ENG: variants seen among roughly 807,000 people sequenced by gnomAD.
ENG encodes endoglin, also known as CD105 antigen.
In ENG, 17 loss-of-function variants were observed where a neutral mutation model predicts 71.0. The observed-to-expected ratio is 0.24, with a 90% CI of 0.16 to 0.36. ENG has a LOEUF of 0.36. Ranked by LOEUF, ENG falls within the 10% of genes least tolerant of loss-of-function variation. The pLI is 1.00. For missense variants in ENG, 749 were observed against 868.3 expected (o/e 0.86, Z 1.73); for synonymous variants, 360 against 366.9 (o/e 0.98, Z 0.21).
chr9:127,845,209 C>G (rs41483544), intron 1 of ENG, among the ~76,000 whole-genome samples: 2 of 152,170 alleles, frequency 1.3e-5, no homozygotes, highest in African/African-American at 4.8e-5. Flanking sequence ...CAGCCAAGGC[C>G]GGCTCAGAGG....
chr9:127,828,578 G>C (rs140959276), intron 3 of ENG, among the ~76,000 whole-genome samples: 48 of 152,300 alleles, frequency 3.2e-4, no homozygotes, highest in Middle Eastern at 3.4e-3. Context: ...GATCGGGAAG[G>C]GGGAGGATCC....
At chr9:127,824,696 G>A in intron 7 of ENG, 104 bp downstream of exon 7, 1 of 1,301,836 alleles carries the variant, frequency 7.7e-7, no homozygotes, top group South Asian at 1.6e-5. Context: ...GCTCAGAGAG[G>A]CTGATGTACC....
Position 127,838,485 on chromosome 9 carries a change from C to A in ENG, c.219+4609G>T, listed in dbSNP as rs1259410281. Among the ~76,000 whole-genome samples, 2 of 152,156 alleles carry A rather than the reference C, an allele frequency of 1.3e-5. No homozygotes were observed. The highest frequency in any genetic ancestry group is 2.9e-5 in the Non-Finnish European group (2 of 68,014). On this transcript the variant is annotated intron_variant, in intron 2 of 14. Transcript: ENST00000373203. The surrounding 1 kb of genome is among the most constrained non-coding windows in gnomAD (Gnocchi z 4.3). ...GAGCTAAGGTCCCTCCCGGCTCTCT[C>A]TCTCTGCCTGAGTGGTGTTGCCTGC...
rs569796125 is a variant in ENG at position 127,836,515 on chromosome 9, G to A, written c.219+6579C>T. 2.0e-5 allele frequency among the ~76,000 whole-genome samples: 3 copies of A among 152,372 alleles called. No homozygotes were observed. The highest frequency in any genetic ancestry group is 3.9e-4 in the East Asian group (2 of 5,186). ...CCACCCTCCCAGGGCCTGACTGGAGGCGGTCAGATTGGAGCCAGCCGTCCC... is the reference window on the plus strand; with the variant it reads ...CCACCCTCCCAGGGCCTGACTGGAGACGGTCAGATTGGAGCCAGCCGTCCC... On this transcript the variant is annotated intron_variant, in intron 2 of 14. Coordinates refer to ENST00000373203, the MANE Select transcript of ENG (RefSeq NM_001114753.3). The surrounding 1 kb of genome is among the most constrained non-coding windows in gnomAD (Gnocchi z 4.0).
chr9:127,835,718 T>G lies in ENG; in HGVS notation c.220-5891A>C, dbSNP rs570044291. ...TGCCTCAGTTTCCTCATCTGTGAAA[T>G]GGGGGTAGGACAGGGTTGGGAACCA... On this transcript the variant is annotated intron_variant, in intron 2 of 14. Coordinates refer to ENST00000373203, the MANE Select transcript of ENG (RefSeq NM_001114753.3). Among the ~76,000 whole-genome samples, 4 of 151,642 alleles carry G rather than the reference T, an allele frequency of 2.6e-5. No homozygotes were observed. In the South Asian group the frequency reaches 8.3e-4, roughly 32 times the overall value.
At chr9:127,850,662 A>G (rs951808978) in intron 1 of ENG, among the ~76,000 whole-genome samples, 2 of 152,168 alleles carry the variant, frequency 1.3e-5, no homozygotes, top group Admixed American at 6.5e-5. Context: ...CCAGACTCCA[A>G]CACAGACAGC....
At chr9:127,853,451 G>T (rs909716854) in intron 1 of ENG, among the ~76,000 whole-genome samples, 26 of 152,164 alleles carry the variant, frequency 1.7e-4, no homozygotes, top group African/African-American at 6.3e-4. Flanking sequence ...ACATGGGGCT[G>T]GGGGTCCCTT....
In ENG at chr9:127,854,305, G is replaced by T; in HGVS notation, c.51C>A (p.Cys17Ter). 1 of 1,592,918 alleles carries T rather than the reference G, an allele frequency of 6.3e-7. No homozygotes were observed. Residue 17 changes from cysteine (C) to a stop codon, truncating the protein, a stop_gained, in exon 1 of 15, where the codon TGC becomes TGA. Transcript: ENST00000373203. LOFTEE classifies it high-confidence loss of function. ...PLAVALLLASCSLSPTSLAET... is the reference protein window; with the variant it reads ...PLAVALLLAS ...GACACCTACTTGTGGGGCTGAGGCT[G>T]CAGCTGGCCAGCAGCAGGGCAACAG...
In ENG at chr9:127,846,104, G is replaced by A. The variant is rs558068020; in HGVS notation, c.68-2859C>T. 4.6e-5 allele frequency among the ~76,000 whole-genome samples: 7 copies of A among 152,242 alleles called. No homozygotes were observed. The East Asian group carries it at 7.7e-4, about 17-fold the overall frequency. Reference sequence around the variant, plus strand: ...GTTCTAAGGGGTGGGGTGAAGTGGCGGGATGGGGTGGCCTCCAGGTGACGG... The same window carrying A: ...GTTCTAAGGGGTGGGGTGAAGTGGCAGGATGGGGTGGCCTCCAGGTGACGG... On this transcript the variant is annotated intron_variant, in intron 1 of 14. Coordinates refer to ENST00000373203, the MANE Select transcript of ENG (RefSeq NM_001114753.3). The surrounding 1 kb of genome is among the most constrained non-coding windows in gnomAD (Gnocchi z 5.5).
rs761353511 is a variant in ENG, at chr9:127,819,641, G to A, written c.1292C>T (p.Ser431Leu). 2.5e-6 allele frequency: 4 copies of A among 1,612,290 alleles called. No homozygotes were observed. The highest frequency in any genetic ancestry group is 2.2e-5 in the East Asian group (1 of 44,858). ...TCTCACCCGCTGTGGTGATGAGCTC[G>A]ACAGGATATTGACCACCGCCTGCGG... Reference protein sequence around the residue: ...ISNEAVVNILSSSSPQRKKVH... With the variant: ...ISNEAVVNILLSSSPQRKKVH... The change falls in exon 10 of 15, where the codon TCG becomes TTG. Residue 431 changes from serine (S) to leucine (L), a missense_variant. Transcript: ENST00000373203.
intron 12 of ENG, chr9:127,817,681 AC>A: frequency 2.9e-6 from 1 of 349,836 alleles, no homozygotes; most frequent in Non-Finnish European, 5.5e-6. Flanking sequence ...AGTGGGGGTC[AC>A]CAGATGGTGA....
intron 8 of ENG, among the ~76,000 whole-genome samples, chr9:127,823,529 C>T (rs1325203381): frequency 6.6e-6 from 1 of 151,946 alleles, no homozygotes; most frequent in Non-Finnish European, 1.5e-5. Flanking sequence ...GCTGGGACTA[C>T]AGGCGCCTGC....
At chr9:127,827,602 A>G (rs1266001879) in intron 3 of ENG, among the ~76,000 whole-genome samples, 2 of 152,196 alleles carry the variant, frequency 1.3e-5, no homozygotes, top group Non-Finnish European at 2.9e-5. Flanking sequence ...AGCTGAATGA[A>G]ACAGCAGCAG....
Position 127,854,402 on chromosome 9 carries a change from T to C in ENG, c.-47A>G. 6.5e-7 allele frequency: 1 copy of C among 1,536,632 alleles called. No individual in the cohort carries two copies. Among genetic ancestry groups the C allele is most frequent in the South Asian group, 1.2e-5 (1 of 83,386 alleles). Reference sequence around the variant, plus strand: ...GCGCTGGGCCTTATCCTGTGTCCAGTGGCAGGGCTGCGGGCGGGCACCGGG... The same window carrying C: ...GCGCTGGGCCTTATCCTGTGTCCAGCGGCAGGGCTGCGGGCGGGCACCGGG... On this transcript the variant is annotated 5_prime_UTR_variant, in exon 1 of 15. Transcript: ENST00000373203.
rs1554809103 is a variant in ENG at position 127,817,192 on chromosome 9, C to A, written c.1698G>T (p.Arg566Ser). Residue 566 changes from arginine (R) to serine (S), a missense_variant, in exon 13 of 15, where the codon AGG becomes AGT. Physicochemically the swap from Arg to Ser is moderately radical, Grantham distance 110. Coordinates refer to ENST00000373203, the MANE Select transcript of ENG (RefSeq NM_001114753.3). ...TGATGTTCAAGCGCATGAAGACAGTCCTATGGACTTCCTGGAGGAGAAAGA... is the reference window on the plus strand; with the variant it reads ...TGATGTTCAAGCGCATGAAGACAGTACTATGGACTTCCTGGAGGAGAAAGA... ...KTGSQDQEVHRTVFMRLNIIS... is the reference protein window; with the variant it reads ...KTGSQDQEVHSTVFMRLNIIS... 1 of 1,614,062 alleles carries A rather than the reference C, an allele frequency of 6.2e-7. No individual in the cohort carries two copies. The highest frequency in any genetic ancestry group is 1.7e-5 in the Admixed American group (1 of 60,006).
Position 127,854,456 on chromosome 9 carries a change from G to A in ENG, c.-101C>T. 1 of 1,344,244 alleles carries A rather than the reference G, an allele frequency of 7.4e-7. No individual in the cohort carries two copies. Among genetic ancestry groups the A allele is most frequent in the Non-Finnish European group, 1.0e-6 (1 of 985,136 alleles). The allele number at this position is 1,344,244 out of a possible 1,614,324, so 83.3% of individuals were successfully genotyped here. On this transcript the variant is annotated 5_prime_UTR_variant, in exon 1 of 15. Transcript: ENST00000373203. ...GGCGTGGGCTCGCACGGGGACCCGA[G>A]GGGAGCAGGCGGCCGGAGCGACGGC...
chr9:127,833,804 C>G (rs1325174978), intron 2 of ENG, among the ~76,000 whole-genome samples: 1 of 152,178 alleles, frequency 6.6e-6, no homozygotes. Context: ...GTGTTTCAGC[C>G]ACTGGAAAAA....
Position 127,847,669 on chromosome 9 carries a change from C to T in ENG, c.68-4424G>A, listed in dbSNP as rs368198287. On this transcript the variant is annotated intron_variant, in intron 1 of 14. Coordinates refer to ENST00000373203, the MANE Select transcript of ENG (RefSeq NM_001114753.3). ...TTCGCCGTATTGCGCAGGCTGGTCT[C>T]AAACTCCTGGGCTCAAGCAATCCAC... 2.4e-4 allele frequency among the ~76,000 whole-genome samples: 37 copies of T among 152,252 alleles called. 1 individual carries two copies. In the South Asian group the frequency reaches 7.7e-3, roughly 32 times the overall value.
chr9:127,820,567 G>T (rs1022606521), intron 8 of ENG, among the ~76,000 whole-genome samples: 1 of 151,136 alleles, frequency 6.6e-6, no homozygotes, highest in African/African-American at 2.4e-5. Context: ...GGTGGCTCAC[G>T]CCTGTAATCC....
Sources: gnomAD v4.1 joint callset for allele counts (sites outside exome capture counted in the v4.1 genomes callset) on GRCh38, gnomAD v4.1.1 for gene constraint, Gnocchi (gnomAD v3.1) non-coding constraint, MANE v1.5 for transcripts, NCBI Gene and HGNC (gene_info 2026-07-23, HGNC 2026-07-21) for gene names.